Variants in PTPRD observed in about 807,000 individuals in gnomAD.
The protein encoded by PTPRD is protein tyrosine phosphatase receptor type D.
A neutral mutation model predicts 214.5 loss-of-function variants in PTPRD; 34 were observed. The observed-to-expected ratio is 0.16, with a 90% confidence interval of 0.12 to 0.21. PTPRD has a LOEUF of 0.21. Among genes scored for constraint, PTPRD ranks in the 10% least tolerant of loss-of-function variants. The pLI, the probability that PTPRD is intolerant of heterozygous loss-of-function variation, is 1.00. For synonymous variants in PTPRD, 1,128 were observed against 845.7 expected (o/e 1.33, Z -5.79); for missense variants, 2,545 against 2,398.7 (o/e 1.06, Z -1.27).
At chr9:8,627,765 C>T (rs2096091526) in intron 14 of PTPRD, among the ~76,000 whole-genome samples, 2 of 151,828 alleles carry the variant, frequency 1.3e-5, no homozygotes, top group African/African-American at 2.4e-5. Context: ...TCTCCCCTTA[C>T]TAGGGTCTCT....
intron 3 of PTPRD, among the ~76,000 whole-genome samples, chr9:10,189,271 C>T (rs891831654): frequency 2.6e-5 from 4 of 152,092 alleles, no homozygotes; most frequent in African/African-American, 7.2e-5. Context: ...AGGGTGACTC[C>T]AGCTGCTGGC....
At chr9:10,281,444 C>T (rs1207738302) in intron 3 of PTPRD, among the ~76,000 whole-genome samples, 2 of 152,136 alleles carry the variant, frequency 1.3e-5, no homozygotes, top group Admixed American at 6.6e-5. Flanking sequence ...ATGGAAATGT[C>T]CAAATCTCAC....
intron 7 of PTPRD, among the ~76,000 whole-genome samples, chr9:9,603,034 G>T (rs544430098): frequency 7.9e-5 from 12 of 152,108 alleles, no homozygotes; most frequent in Non-Finnish European, 1.2e-4. Context: ...AAAAAGACTA[G>T]TTCCCTTAAA....
intron 8 of PTPRD, among the ~76,000 whole-genome samples, chr9:9,474,128 T>G (rs2146682501): frequency 6.6e-6 from 1 of 152,192 alleles, no homozygotes; most frequent in East Asian, 1.9e-4. Flanking sequence ...TTCAGTTGAT[T>G]TTTGTAGATG....
At chr9:8,537,380 G>A (rs1286697488) in intron 14 of PTPRD, among the ~76,000 whole-genome samples, 4 of 151,810 alleles carry the variant, frequency 2.6e-5, no homozygotes, top group Admixed American at 6.6e-5. Flanking sequence ...ATTCCAAATG[G>A]AACATACGAT....
At position 10,012,646 on chromosome 9, in the gene PTPRD, G is replaced by A. The variant is rs150247531; in HGVS notation, c.-472+21072C>T. Among the ~76,000 whole-genome samples, 52 of 152,038 alleles carry A rather than the reference G, an allele frequency of 3.4e-4. No individual in the cohort carries two copies. The East Asian group carries it at 8.5e-3, about 25-fold the overall frequency. ...TATTTCGTTACCCAAGACTAGCACT[G>A]TTATTGGAACATGATAATTCCTCAG... On this transcript the variant is annotated intron_variant, in intron 4 of 45. Coordinates refer to ENST00000381196, the MANE Select transcript of PTPRD (RefSeq NM_002839.4).
chr9:9,166,837 C>A (rs1366677266), intron 10 of PTPRD, among the ~76,000 whole-genome samples: 1 of 152,058 alleles, frequency 6.6e-6, no homozygotes, highest in Non-Finnish European at 1.5e-5. Flanking sequence ...AAAAAGACAA[C>A]CTACCTATAG....
intron 7 of PTPRD, among the ~76,000 whole-genome samples, chr9:9,691,530 G>A (rs960153142): frequency 6.6e-6 from 1 of 151,920 alleles, no homozygotes; most frequent in Admixed American, 6.6e-5. Flanking sequence ...TTATTCATCT[G>A]TTGATGGAAA....
intron 10 of PTPRD, among the ~76,000 whole-genome samples, chr9:9,073,299 T>C (rs558478538): frequency 6.6e-6 from 1 of 152,218 alleles, no homozygotes; most frequent in Non-Finnish European, 1.5e-5. Context: ...TCGAATCAGA[T>C]GATCTGGCTT....
chr9:8,394,386 G>C (rs1008851863), intron 36 of PTPRD, among the ~76,000 whole-genome samples: 2 of 152,054 alleles, frequency 1.3e-5, no homozygotes, highest in East Asian at 1.9e-4. Context: ...TAATCCTAAG[G>C]GGAAGGATCA....
At chr9:9,186,904 G>C (rs934202708) in intron 9 of PTPRD, among the ~76,000 whole-genome samples, 1 of 151,712 alleles carries the variant, frequency 6.6e-6, no homozygotes, top group Admixed American at 6.6e-5. Context: ...ATTTAGATTT[G>C]CTTAGAATAA....
intron 8 of PTPRD, among the ~76,000 whole-genome samples, chr9:9,479,916 A>C (rs1485095068): frequency 6.6e-6 from 1 of 152,136 alleles, no homozygotes; most frequent in East Asian, 1.9e-4. Flanking sequence ...TTTGGTATAT[A>C]AACTATATAA....
intron 9 of PTPRD, among the ~76,000 whole-genome samples, chr9:9,323,686 C>G (rs1464191624): frequency 6.6e-6 from 1 of 151,966 alleles, no homozygotes; most frequent in Admixed American, 6.6e-5. Flanking sequence ...CATATGCATT[C>G]TCTCTCTTGT....
At chr9:10,061,563 G>A (rs1235172753) in intron 3 of PTPRD, among the ~76,000 whole-genome samples, 2 of 152,022 alleles carry the variant, frequency 1.3e-5, no homozygotes, top group African/African-American at 4.8e-5. Flanking sequence ...TTAGTCTAGA[G>A]TGAATCTTAT....
At chr9:10,163,943 T>C (rs1053244397) in intron 3 of PTPRD, among the ~76,000 whole-genome samples, 2 of 151,500 alleles carry the variant, frequency 1.3e-5, no homozygotes, top group African/African-American at 2.4e-5. Flanking sequence ...TTCACAATAT[T>C]AACATAAAGT....
chr9:8,776,704 G>T (rs1293257817), intron 11 of PTPRD, among the ~76,000 whole-genome samples: 2 of 151,574 alleles, frequency 1.3e-5, no homozygotes, highest in Non-Finnish European at 2.9e-5. Flanking sequence ...CATTTGAGAG[G>T]CAGGGATTCC....
intron 12 of PTPRD, among the ~76,000 whole-genome samples, chr9:8,657,933 T>C (rs564546404): frequency 6.6e-6 from 1 of 152,256 alleles, no homozygotes; most frequent in Non-Finnish European, 1.5e-5. Flanking sequence ...TAATACTTTA[T>C]AATAAATTAT....
chr9:10,090,917 T>TAC (rs747128757), intron 3 of PTPRD, among the ~76,000 whole-genome samples: 1,273 of 52,964 alleles, frequency 0.024, 11 homozygotes, highest in African/African-American at 0.04. Context: ...ATAAATGAAA[T>TAC]ATACACACAC....
chr9:9,645,761 C>A (rs922204396), intron 7 of PTPRD, among the ~76,000 whole-genome samples: 3 of 151,964 alleles, frequency 2.0e-5, no homozygotes, highest in African/African-American at 7.2e-5. Flanking sequence ...GCTTTAATAT[C>A]CACCATTTTA....
Sources: allele counts gnomAD v4.1 joint callset (sites outside exome capture counted in the v4.1 genomes callset), GRCh38; gene constraint gnomAD v4.1.1; transcripts MANE v1.5; gene names NCBI Gene and HGNC (gene_info 2026-07-23, HGNC 2026-07-21).